SLC30A9: variants seen among roughly 807,000 people sequenced by gnomAD.
SLC30A9 encodes solute carrier family 30 member 9.
A neutral mutation model predicts 87.5 loss-of-function variants in SLC30A9; 58 were observed. The ratio of observed to expected loss-of-function variants is 0.66; its 90% CI spans 0.54 to 0.82. The LOEUF (loss-of-function observed/expected upper bound fraction) is 0.82, where lower values mean the gene tolerates loss of function less well. Among genes scored for constraint, SLC30A9 ranks in the 40% least tolerant of loss-of-function variants. The pLI is 0.00. For synonymous variants in SLC30A9, 234 were observed against 233.0 expected (o/e 1.00, Z -0.04); for missense variants, 557 against 679.1 (o/e 0.82, Z 2.00).
At chr4:42,048,731 A>G (rs1161506813) in intron 8 of SLC30A9, among the ~76,000 whole-genome samples, 1 of 152,180 alleles carries the variant, frequency 6.6e-6, no homozygotes, top group African/African-American at 2.4e-5. Context: ...TATCAGGTGC[A>G]GATCTGCTTT....
chr4:42,086,216 A>C lies in SLC30A9; in HGVS notation c.*90A>C. 1.4e-6 allele frequency: 1 copy of C among 702,890 alleles called. No individual in the cohort carries two copies. 43.5% of individuals were successfully genotyped at this position (702,890 alleles called of 1,614,324 possible). On this transcript the variant is annotated 3_prime_UTR_variant, in exon 18 of 18. Transcript: ENST00000264451. ...GTTTCCTCCTCTCCTACACTGAAAG[A>C]CTCAGTGCCATGCAGAAGCCTTTTT...
At chr4:42,022,095 C>G (rs1179908415) in intron 4 of SLC30A9, among the ~76,000 whole-genome samples, 1 of 72,596 alleles carries the variant, frequency 1.4e-5, no homozygotes, top group Non-Finnish European at 4.0e-5. Flanking sequence ...GCCACCACGC[C>G]CGGCTAATTT....
chr4:42,057,501 C>A (rs1177424294), intron 9 of SLC30A9, among the ~76,000 whole-genome samples: 1 of 152,176 alleles, frequency 6.6e-6, no homozygotes, highest in African/African-American at 2.4e-5. Context: ...TTAATCACAG[C>A]TGGAGCAGCT....
chr4:42,081,925 A>C (rs1356526379), intron 17 of SLC30A9, among the ~76,000 whole-genome samples: 1 of 152,178 alleles, frequency 6.6e-6, no homozygotes, highest in Non-Finnish European at 1.5e-5. Context: ...CTAAGATAAT[A>C]AAGCATGGCC....
intron 7 of SLC30A9, among the ~76,000 whole-genome samples, chr4:42,035,716 G>A (rs1716651823): frequency 6.6e-6 from 1 of 151,982 alleles, no homozygotes; most frequent in Non-Finnish European, 1.5e-5. Flanking sequence ...GGTGGGTCTT[G>A]AACTCCTGAC....
intron 9 of SLC30A9, among the ~76,000 whole-genome samples, chr4:42,055,725 G>T (rs903777802): frequency 1.3e-5 from 2 of 152,332 alleles, no homozygotes; most frequent in East Asian, 3.9e-4. Flanking sequence ...TTTAGAAGAA[G>T]ACATGGTTCT....
chr4:42,043,767 T>C (rs978340489), intron 8 of SLC30A9, among the ~76,000 whole-genome samples: 1 of 151,978 alleles, frequency 6.6e-6, no homozygotes, highest in African/African-American at 2.4e-5. Context: ...CACATAATCA[T>C]CAGATTCACC....
At chr4:42,048,746 T>C (rs1175527306) in intron 8 of SLC30A9, among the ~76,000 whole-genome samples, 1 of 152,156 alleles carries the variant, frequency 6.6e-6, no homozygotes, top group African/African-American at 2.4e-5. Flanking sequence ...TGCTTTTATC[T>C]ACCTAAAACA....
chr4:42,070,480 TA>T, intron 14 of SLC30A9, 45 bp from the exon 15 acceptor site: 1 of 1,477,342 alleles, frequency 6.8e-7, no homozygotes, highest in East Asian at 2.3e-5. Flanking sequence ...TTCACTGAAA[TA>T]ATATAAACTG....
intron 6 of SLC30A9, among the ~76,000 whole-genome samples, chr4:42,030,634 A>G (rs1456246819): frequency 1.3e-5 from 2 of 149,042 alleles, no homozygotes; most frequent in Non-Finnish European, 3.0e-5. Context: ...ATCAATGAGC[A>G]TCTTTAACAT....
intron 1 of SLC30A9, among the ~76,000 whole-genome samples, chr4:41,998,471 T>G (rs1714824121): frequency 2.0e-5 from 3 of 148,490 alleles, no homozygotes; most frequent in Non-Finnish European, 4.5e-5. Context: ...TCTTTTTTTT[T>G]GTTTGTTTTT....
chr4:42,007,137 A>G (rs1715242421), intron 2 of SLC30A9, among the ~76,000 whole-genome samples: 1 of 152,132 alleles, frequency 6.6e-6, no homozygotes, highest in Non-Finnish European at 1.5e-5. Context: ...GTAGGGTAAT[A>G]ATAATGCTTT....
At position 42,023,285 on chromosome 4, in the gene SLC30A9, C is replaced by T; in HGVS notation, c.528-17C>T. Reference sequence around the variant, plus strand: ...CATTAAAATTGTTCATTGTGGTGACCATGTGTGTATGCACAGATCTTTGGA... The same window carrying T: ...CATTAAAATTGTTCATTGTGGTGACTATGTGTGTATGCACAGATCTTTGGA... On this transcript the variant is annotated splice_polypyrimidine_tract_variant and intron_variant, in intron 5 of 17. Transcript: ENST00000264451. 6.4e-7 allele frequency: 1 copy of T among 1,562,274 alleles called. No individual in the cohort carries two copies. Among genetic ancestry groups the T allele is most frequent in the East Asian group, 2.2e-5 (1 of 44,578 alleles).
intron 8 of SLC30A9, among the ~76,000 whole-genome samples, chr4:42,041,504 C>T (rs1355938440): frequency 6.6e-6 from 1 of 152,122 alleles, no homozygotes; most frequent in Non-Finnish European, 1.5e-5. Flanking sequence ...GAGGCTGAAG[C>T]AGGAGGATTA....
intron 8 of SLC30A9, among the ~76,000 whole-genome samples, chr4:42,039,654 G>T (rs1405404180): frequency 6.6e-6 from 1 of 151,860 alleles, no homozygotes; most frequent in Non-Finnish European, 1.5e-5. Flanking sequence ...GTAGAGATGG[G>T]GTTTCACTAC....
intron 16 of SLC30A9, among the ~76,000 whole-genome samples, chr4:42,076,885 C>A (rs903174380): frequency 1.1e-4 from 17 of 149,390 alleles, no homozygotes; most frequent in African/African-American, 4.2e-4. Context: ...TCGCTTGAAC[C>A]TGGGAGTTGG....
Position 42,029,742 on chromosome 4 carries a change from ATTATAAAGCTCAAGTGAG to A in SLC30A9, c.611-5530_611-5513del, listed in dbSNP as rs1716344002. Reference sequence around the variant, plus strand: ...CTACGAAGAGGGCAAACCACATGTTATTATAAAGCTCAAGTGAGTTCTAGGCTTCAAACCTAAGTCTCC... The same window carrying A: ...CTACGAAGAGGGCAAACCACATGTTATTCTAGGCTTCAAACCTAAGTCTCC... On this transcript the variant is annotated intron_variant, in intron 6 of 17. Transcript: ENST00000264451. 17 of 727,482 alleles carry A rather than the reference ATTATAAAGCTCAAGTGAG, an allele frequency of 2.3e-5. 1 individual carries two copies. In the South Asian group the frequency reaches 2.4e-4, roughly 10 times the overall value. The allele number at this position is 727,482 out of a possible 1,614,324, so 45.1% of individuals were successfully genotyped here. A position where few individuals can be genotyped will look rare whatever the true frequency, so the allele number is the denominator to read the frequency against.
intron 4 of SLC30A9, among the ~76,000 whole-genome samples, chr4:42,022,082 C>T (rs62302128): frequency 3.7e-5 from 1 of 27,088 alleles, no homozygotes; most frequent in Non-Finnish European, 2.8e-4. Flanking sequence ...ACTACAGGCG[C>T]CCGCCACCAC....
chr4:42,044,386 C>CAAAAAAAAAAAAAAAAA (rs57572080), intron 8 of SLC30A9, among the ~76,000 whole-genome samples: 3 of 98,712 alleles, frequency 3.0e-5, no homozygotes, highest in African/African-American at 1.3e-4. Context: ...AAATGGAAAG[C>CAAAAAAAAAAAAAAAAA]AAAAAAAAAA....
Sources: gnomAD v4.1 joint callset for allele counts (sites outside exome capture counted in the v4.1 genomes callset) on GRCh38, gnomAD v4.1.1 for gene constraint, MANE v1.5 for transcripts, NCBI Gene and HGNC (gene_info 2026-07-23, HGNC 2026-07-21) for gene names.